The following LRRC53 variants were observed in gnomAD, a reference collection of about 807,000 sequenced individuals.
LRRC53 encodes leucine-rich repeat-containing protein 53.
In LRRC53, 25 loss-of-function variants were observed where a neutral mutation model predicts 13.6. The observed-to-expected ratio is 1.83, with a 90% CI of 1.34 to 2.56. LRRC53 has a LOEUF of 2.56. Ranked by LOEUF, LRRC53 falls within the 30% of genes most tolerant of loss-of-function variation. LRRC53 has a pLI of 0.00. For synonymous variants in LRRC53, 204 were observed against 109.8 expected, an observed-to-expected ratio of 1.86 and a Z score of -5.37; for missense variants, 527 against 275.8, an observed-to-expected ratio of 1.91 and a Z score of -6.45.
chr1:74,512,965 A>G (rs1646282016), upstream of LRRC53, among the ~76,000 whole-genome samples: 1 of 152,186 alleles, frequency 6.6e-6, no homozygotes, highest in South Asian at 2.1e-4. Flanking sequence ...GTGGAAAACT[A>G]TAGACGACTT....
Position 74,471,600 on chromosome 1 carries a change from C to T in LRRC53, c.2022G>A (p.Leu674=). The T allele has an allele frequency of 2.5e-6, 1 of 400,676 alleles. No individual in the cohort carries two copies. 24.8% of individuals were successfully genotyped at this position (400,676 alleles called of 1,614,324 possible). Residue 674 remains leucine, a synonymous_variant, in exon 5 of 5, where the codon TTG becomes TTA. Coordinates refer to ENST00000294635, the MANE Select transcript of LRRC53 (RefSeq NM_001382280.1). ...QKNQSNQLTK[L]DVKKFSNTGE... ...CAGTGTTGCTAAATTTTTTAACATC[C>T]AACTTAGTCAGTTGGTTACTTTGAT...
intron 4 of LRRC53, among the ~76,000 whole-genome samples, chr1:74,473,847 A>C (rs1668056926): frequency 6.6e-6 from 1 of 152,188 alleles, no homozygotes. Context: ...TCTGTGACTC[A>C]AAGATAAACA....
At chr1:74,498,731 C>CG (rs1016591543) in intron 1 of LRRC53, among the ~76,000 whole-genome samples, 47 of 152,076 alleles carry the variant, frequency 3.1e-4, no homozygotes, top group African/African-American at 1.1e-3. Context: ...CAGTCTTCCC[C>CG]CCGACTATTA....
the LRRC53 span, among the ~76,000 whole-genome samples, chr1:74,517,872 G>A: frequency 6.6e-6 from 1 of 152,174 alleles, no homozygotes; most frequent in African/African-American, 2.4e-5. Context: ...CAGGTCTGAT[G>A]TAGAGTGAAA....
upstream of LRRC53, among the ~76,000 whole-genome samples, chr1:74,515,902 A>G (rs1025052996): frequency 6.6e-6 from 1 of 152,242 alleles, no homozygotes; most frequent in African/African-American, 2.4e-5. Context: ...AATGCCCCAT[A>G]GTGCCAGTTT....
the LRRC53 span, among the ~76,000 whole-genome samples, chr1:74,523,452 T>C: frequency 6.6e-6 from 1 of 151,212 alleles, no homozygotes; most frequent in African/African-American, 2.4e-5. Flanking sequence ...TTTTTTTTAA[T>C]TTTCTTTTGA....
At chr1:74,530,185 C>T in the LRRC53 span, among the ~76,000 whole-genome samples, 2 of 152,140 alleles carry the variant, frequency 1.3e-5, no homozygotes, top group Admixed American at 1.3e-4. Flanking sequence ...CCATCACACT[C>T]ATGTCTGTAT....
intron 1 of LRRC53, among the ~76,000 whole-genome samples, chr1:74,499,291 G>A (rs959655441): frequency 1.1e-4 from 17 of 152,116 alleles, no homozygotes; most frequent in African/African-American, 2.7e-4. Flanking sequence ...ACAGGCATGC[G>A]CCACCATGCC....
At chr1:74,521,238 A>T in the LRRC53 span, among the ~76,000 whole-genome samples, 5 of 152,198 alleles carry the variant, frequency 3.3e-5, no homozygotes, top group South Asian at 1.0e-3. Flanking sequence ...TGGCACTGCC[A>T]TTTTCTCTGT....
Position 74,480,167 on chromosome 1 carries a change from ACAGT to A in LRRC53, c.886_889del (p.Thr296SerfsTer13), listed in dbSNP as rs1478126976. ...CCCCGGCATACCTGCGAAGCCAAGG[ACAGT>A]CAGCAGGGCCACATCTGGTCCTGGG... On this transcript the variant is annotated frameshift_variant, in exon 3 of 5. Transcript: ENST00000294635. LOFTEE classifies it high-confidence loss of function. The A allele has an allele frequency of 1.4e-6, 1 of 716,870 alleles. No homozygotes were observed. Among genetic ancestry groups the A allele is most frequent in the Admixed American group, 2.0e-5 (1 of 49,976 alleles). 44.4% of individuals were successfully genotyped at this position (716,870 alleles called of 1,614,324 possible). A position where few individuals can be genotyped will look rare whatever the true frequency, so the allele number is the denominator to read the frequency against.
chr1:74,479,943 A>G (rs1013424618), intron 3 of LRRC53, among the ~76,000 whole-genome samples: 1 of 152,250 alleles, frequency 6.6e-6, no homozygotes, highest in Non-Finnish European at 1.5e-5. Context: ...ATTCTGGTCC[A>G]GGGCCCTTTC....
intron 1 of LRRC53, among the ~76,000 whole-genome samples, chr1:74,483,738 G>C (rs1668614332): frequency 6.6e-6 from 1 of 152,138 alleles, no homozygotes; most frequent in African/African-American, 2.4e-5. Flanking sequence ...GCTCAGGATG[G>C]TTAGCAAACC....
chr1:74,486,232 A>AGAGAGAGAGAGAGAGACT (rs922581714), intron 1 of LRRC53, among the ~76,000 whole-genome samples: 1 of 149,136 alleles, frequency 6.7e-6, no homozygotes, highest in African/African-American at 2.5e-5. Flanking sequence ...AGAGAGAGAG[A>AGAGAGAGAGAGAGAGACT]GGTGGGAAAT....
At chr1:74,517,277 A>G (rs1646363546), upstream of LRRC53, among the ~76,000 whole-genome samples, 1 of 152,230 alleles carries the variant, frequency 6.6e-6, no homozygotes, top group East Asian at 1.9e-4. Context: ...CAGGTCAGAT[A>G]GTAAATCAAT....
the LRRC53 span, among the ~76,000 whole-genome samples, chr1:74,527,915 G>A: frequency 6.6e-6 from 1 of 152,140 alleles, no homozygotes; most frequent in African/African-American, 2.4e-5. Flanking sequence ...GCACTGCCTG[G>A]CAGAGGGTGT....
intron 1 of LRRC53, among the ~76,000 whole-genome samples, chr1:74,506,356 A>G (rs759216410): frequency 6.6e-6 from 1 of 152,172 alleles, no homozygotes; most frequent in Non-Finnish European, 1.5e-5. Flanking sequence ...GAAAGTATAA[A>G]TGGCCTGCCC....
At chr1:74,526,581 C>T in the LRRC53 span, among the ~76,000 whole-genome samples, 2 of 152,082 alleles carry the variant, frequency 1.3e-5, no homozygotes, top group African/African-American at 2.4e-5. Flanking sequence ...ATGAAGGTGA[C>T]GTGAGAATGC....
intron 1 of LRRC53, among the ~76,000 whole-genome samples, chr1:74,508,089 G>A (rs1669997817): frequency 6.6e-6 from 1 of 152,196 alleles, no homozygotes; most frequent in African/African-American, 2.4e-5. Flanking sequence ...CACAGACGGA[G>A]GCATTACTAA....
At chr1:74,518,033 A>G in the LRRC53 span, among the ~76,000 whole-genome samples, 1 of 152,152 alleles carries the variant, frequency 6.6e-6, no homozygotes, top group East Asian at 1.9e-4. Flanking sequence ...GCAAGCGATG[A>G]CCTCGCCAGA....
Sources: allele counts gnomAD v4.1 joint callset (sites outside exome capture counted in the v4.1 genomes callset), GRCh38; gene constraint gnomAD v4.1.1; transcripts MANE v1.5; gene names NCBI Gene and HGNC (gene_info 2026-07-23, HGNC 2026-07-21).